Variants in TCF25 observed in about 807,000 individuals in gnomAD.
TCF25 encodes the protein TCF25 ribosome quality control complex subunit, also known as ribosome quality control complex subunit TCF25.
TCF25 carries 41 observed loss-of-function variants against 83.1 expected under a neutral mutation model. That is an observed-to-expected ratio of 0.49 (90% CI 0.38 to 0.64). The LOEUF (loss-of-function observed/expected upper bound fraction) is 0.64, where lower values mean the gene tolerates loss of function less well. Among genes scored for constraint, TCF25 ranks in the 30% least tolerant of loss-of-function variants. TCF25 has a pLI of 0.00. For synonymous variants in TCF25, 458 were observed against 365.0 expected (o/e 1.25, Z -2.90); for missense variants, 979 against 914.5 (o/e 1.07, Z -0.91).
intron 11 of TCF25, among the ~76,000 whole-genome samples, 185 bp downstream of exon 11, chr16:89,899,057 T>G (rs1472207781): frequency 6.6e-6 from 1 of 152,216 alleles, no homozygotes; most frequent in Non-Finnish European, 1.5e-5. Context: ...AATGTGGTTT[T>G]CCTAGGGACA....
chr16:89,907,203 C>CAGCATCTGT, intron 15 of TCF25, 40 bp from the exon 16 acceptor site: 1 of 1,601,406 alleles, frequency 6.2e-7, no homozygotes, highest in Non-Finnish European at 8.5e-7. Context: ...GGCCCCCTGG[C>CAGCATCTGT]AGCATCTGTA....
Position 89,898,484 on chromosome 16 carries a change from C to G in TCF25, c.1023-73C>G, listed in dbSNP as rs181083855. On this transcript the variant is annotated intron_variant, in intron 9 of 17. Coordinates refer to ENST00000263346, the MANE Select transcript of TCF25 (RefSeq NM_014972.3). ...AGCAGAGGGCGGGGTGGAGTGGGTG[C>G]TGGCCGGGGCGCTGAGCAGAGAGCA... 105 of 1,503,910 alleles carry G rather than the reference C, an allele frequency of 7.0e-5. 1 individual carries two copies. In the African/African-American group the frequency reaches 1.3e-3, roughly 18 times the overall value. 93.2% of individuals were successfully genotyped at this position (1,503,910 alleles called of 1,614,324 possible).
intron 1 of TCF25, chr16:89,878,421 A>C (rs779645270): frequency 3.2e-6 from 4 of 1,232,992 alleles, no homozygotes; most frequent in South Asian, 1.4e-5. Context: ...CTCCGTCTCT[A>C]TTAAAAATCA....
At position 89,893,788 on chromosome 16, in the gene TCF25, G is replaced by A; in HGVS notation, c.758G>A (p.Ser253Asn). The part of the protein sequence containing the change: ...KGLSFFAFEH[S>N]EEYQQAQHKF... ...CTCTCCTTCTTTGCGTTTGAGCACA[G>A]TGAGGAGTACCAGCAGGCTCAGCAC... The change falls in exon 7 of 18, where the codon AGT becomes AAT. Residue 253 changes from serine (S) to asparagine (N), a missense_variant. By Grantham distance (46) the Ser-to-Asn change is conservative. Transcript: ENST00000263346. 6.2e-7 allele frequency: 1 copy of A among 1,613,526 alleles called. No homozygotes were observed. Among genetic ancestry groups the A allele is most frequent in the Non-Finnish European group, 8.5e-7 (1 of 1,179,798 alleles).
intron 5 of TCF25, chr16:89,890,121 C>G (rs190020437): frequency 3.9e-5 from 6 of 152,130 alleles, no homozygotes; most frequent in Non-Finnish European, 7.3e-5. Flanking sequence ...CCGCCAGTCT[C>G]GGCCTCCCAA....
chr16:89,905,245 C>A, intron 14 of TCF25, 149 bp downstream of exon 14: 3 of 1,177,870 alleles, frequency 2.5e-6, no homozygotes, highest in South Asian at 3.2e-5. Context: ...TACAAGACAG[C>A]GCACAGCCCC....
chr16:89,880,090 C>G (rs2042495411), intron 1 of TCF25, among the ~76,000 whole-genome samples: 1 of 152,036 alleles, frequency 6.6e-6, no homozygotes. Flanking sequence ...TCCATGTACA[C>G]AGACAGGCTC....
intron 5 of TCF25, chr16:89,889,420 T>C (rs1317396980): frequency 8.0e-6 from 2 of 248,878 alleles, no homozygotes; most frequent in African/African-American, 4.7e-5. Context: ...CAAGCGATTC[T>C]CCTCCCTCTA....
chr16:89,894,335 G>A (rs1450727149), intron 7 of TCF25, among the ~76,000 whole-genome samples: 2 of 139,270 alleles, frequency 1.4e-5, no homozygotes, highest in Admixed American at 1.4e-4. Context: ...CCCTCATGCA[G>A]CCCCTGGACA....
At chr16:89,897,479 T>C (rs1289530803) in intron 9 of TCF25, among the ~76,000 whole-genome samples, 1 of 152,274 alleles carries the variant, frequency 6.6e-6, no homozygotes, top group African/African-American at 2.4e-5. Context: ...TCAGCCCTCC[T>C]GGCAAGCCAA....
intron 1 of TCF25, among the ~76,000 whole-genome samples, chr16:89,877,141 A>G (rs535761877): frequency 3.9e-5 from 6 of 152,022 alleles, no homozygotes; most frequent in Non-Finnish European, 7.4e-5. Context: ...AATCGTAATA[A>G]TAATTATGGA....
chr16:89,888,003 C>T (rs750986171), intron 5 of TCF25, among the ~76,000 whole-genome samples: 5 of 152,176 alleles, frequency 3.3e-5, no homozygotes, highest in Non-Finnish European at 7.3e-5. Context: ...GCAGTGCTCA[C>T]GCCTGTAATC....
intron 11 of TCF25, among the ~76,000 whole-genome samples, chr16:89,900,146 G>A (rs565881508): frequency 6.6e-6 from 1 of 152,164 alleles, no homozygotes; most frequent in Non-Finnish European, 1.5e-5. Context: ...AAAAAATGCA[G>A]TGAGTCACAT....
rs768446297 is a variant in TCF25 at position 89,907,269 on chromosome 16, G to T, written c.1746G>T (p.Gly582=). ...ACGTGACCACGCAGTCTGTGATGGG[G>T]TTTGATCCTCTGCCTCCTTCGGACA... ...PPDVTTQSVM[G]FDPLPPSDTI... Residue 582 remains glycine (G), a synonymous_variant, in exon 16 of 18, where the codon GGG becomes GGT. Transcript: ENST00000263346. 1 of 1,611,466 alleles carries T rather than the reference G, an allele frequency of 6.2e-7. No homozygotes were observed. The highest frequency in any genetic ancestry group is 8.5e-7 in the Non-Finnish European group (1 of 1,178,944).
Position 89,905,067 on chromosome 16 carries a change from G to A in TCF25, c.1599G>A (p.Gly533=). 1 of 1,602,162 alleles carries A rather than the reference G, an allele frequency of 6.2e-7. No homozygotes were observed. Among genetic ancestry groups the A allele is most frequent in the Admixed American group, 1.7e-5 (1 of 58,646 alleles). Residue 533 remains glycine, a synonymous_variant, in exon 14 of 18, where the codon GGG becomes GGA. Coordinates refer to ENST00000263346, the MANE Select transcript of TCF25 (RefSeq NM_014972.3). The part of the protein sequence containing the change: ...VHEVLQAVDA[G]DPAVEACENR... Reference sequence around the variant, plus strand: ...AGGTTCTGCAAGCAGTGGACGCCGGGGACCCAGCCGTGGAAGCCTGTGAGA... The same window carrying A: ...AGGTTCTGCAAGCAGTGGACGCCGGAGACCCAGCCGTGGAAGCCTGTGAGA...
intron 9 of TCF25, among the ~76,000 whole-genome samples, chr16:89,897,613 A>G (rs1410904626): frequency 6.6e-6 from 1 of 152,240 alleles, no homozygotes; most frequent in Non-Finnish European, 1.5e-5. Context: ...GAAGTAGATT[A>G]TAAAATATTA....
At chr16:89,882,261 G>A (rs1351183249) in intron 1 of TCF25, among the ~76,000 whole-genome samples, 3 of 152,216 alleles carry the variant, frequency 2.0e-5, no homozygotes, top group Admixed American at 6.5e-5. Context: ...CAGACTTGGC[G>A]TGGTGGCTCA....
In TCF25 at chr16:89,898,881, G is replaced by C; in HGVS notation, c.1221+9G>C. The C allele has an allele frequency of 1.2e-6, 2 of 1,612,846 alleles. No homozygotes were observed. Among genetic ancestry groups the C allele is most frequent in the Non-Finnish European group, 1.7e-6 (2 of 1,179,452 alleles). On this transcript the variant is annotated intron_variant, in intron 11 of 17. Coordinates refer to ENST00000263346, the MANE Select transcript of TCF25 (RefSeq NM_014972.3). The stretch of plus-strand genomic sequence containing the variant: ...TCTTCCAGGAGTGGGAGGTGGGTGC[G>C]AGCCTGGTGAGGCCCCGTGGAGGGA...
At position 89,895,076 on chromosome 16, in the gene TCF25, C is replaced by G; in HGVS notation, c.867C>G (p.Leu289=). Residue 289 remains leucine, a synonymous_variant, in exon 8 of 18, where the codon CTC becomes CTG. Coordinates refer to ENST00000263346, the MANE Select transcript of TCF25 (RefSeq NM_014972.3). ...LQTSPYHVDS[L]LQLSDACRFQ... The stretch of plus-strand genomic sequence containing the variant: ...CGAGCCCTTACCACGTTGACTCACT[C>G]CTGCAGCTCAGCGATGCCTGCCGCT... The G allele has an allele frequency of 1.1e-5, 17 of 1,613,440 alleles. No individual in the cohort carries two copies. The highest frequency in any genetic ancestry group is 1.4e-5 in the Non-Finnish European group (16 of 1,179,848).
Sources: allele counts gnomAD v4.1 joint callset (sites outside exome capture counted in the v4.1 genomes callset), GRCh38; gene constraint gnomAD v4.1.1; transcripts MANE v1.5; gene names NCBI Gene and HGNC (gene_info 2026-07-23, HGNC 2026-07-21).